Variants in OAF observed in about 807,000 individuals in gnomAD.
OAF encodes out at first homolog.
Under a neutral mutation model 22.5 loss-of-function variants are expected in OAF, and 13 were observed. The observed-to-expected ratio is 0.58, with a 90% confidence interval of 0.38 to 0.92. The LOEUF (loss-of-function observed/expected upper bound fraction) is 0.92. Ranked by LOEUF, OAF falls within the 40% of genes least tolerant of loss-of-function variation. OAF has a pLI of 0.00. For missense variants in OAF, 347 were observed against 381.8 expected (o/e 0.91, Z 0.76); for synonymous variants, 175 against 170.5 (o/e 1.03, Z -0.21).
chr11:120,219,022 G>A (rs1022999891), intron 1 of OAF, among the ~76,000 whole-genome samples: 5 of 151,936 alleles, frequency 3.3e-5, no homozygotes, highest in African/African-American at 1.2e-4. Context: ...ATGAGAAGTG[G>A]CATCGGGAGG....
intron 1 of OAF, among the ~76,000 whole-genome samples, chr11:120,215,142 G>A (rs182471499): frequency 5.6e-4 from 85 of 152,198 alleles, no homozygotes; most frequent in Non-Finnish European, 1.0e-3. Context: ...TCAGCAGTTC[G>A]AGACCAGCCT....
chr11:120,218,228 G>A (rs1482241012), intron 1 of OAF, among the ~76,000 whole-genome samples: 1 of 152,114 alleles, frequency 6.6e-6, no homozygotes, highest in African/African-American at 2.4e-5. Flanking sequence ...AATGCCCCAA[G>A]ACAAGCAGCC....
chr11:120,224,898 A>T (rs1238925236), intron 1 of OAF, among the ~76,000 whole-genome samples: 1 of 152,170 alleles, frequency 6.6e-6, no homozygotes, highest in African/African-American at 2.4e-5. Flanking sequence ...CAGCAGCCGG[A>T]TAGGGAAGGG....
rs1221168543 is a variant in OAF, at chr11:120,226,962, C to T, written c.513C>T (p.Thr171=). The T allele has an allele frequency of 1.2e-6, 2 of 1,603,286 alleles. No individual in the cohort carries two copies. The highest frequency in any genetic ancestry group is 1.7e-6 in the Non-Finnish European group (2 of 1,171,458). ...CCGAGGCCGTGGATGCCATCTACAC[C>T]CGCCAGGAGGATGTCCGGTTCTGGC... ...VCAEAVDAIY[T]RQEDVRFWLE... Residue 171 remains threonine (T), a synonymous_variant, in exon 3 of 4, where the codon ACC becomes ACT. Transcript: ENST00000328965.
At chr11:120,225,139 G>T (rs1004441471) in intron 1 of OAF, among the ~76,000 whole-genome samples, 1 of 152,066 alleles carries the variant, frequency 6.6e-6, no homozygotes, top group African/African-American at 2.4e-5. Context: ...ACCCCGTCCC[G>T]GCCCCACCAC....
intron 1 of OAF, among the ~76,000 whole-genome samples, chr11:120,223,241 A>G (rs931509567): frequency 2.6e-5 from 4 of 152,304 alleles, no homozygotes; most frequent in African/African-American, 9.6e-5. Flanking sequence ...CCAGGAGGCA[A>G]TTATGGATTC....
chr11:120,222,651 C>T lies in OAF; in HGVS notation c.232-3010C>T, dbSNP rs147287058. Among the ~76,000 whole-genome samples the T allele has an allele frequency of 7.4e-4, 113 of 152,142 alleles. No individual in the cohort carries two copies. In the East Asian group the frequency reaches 9.3e-3, roughly 13 times the overall value. ...GGCAGAGGCCGGGTGCAGTGGCTCA[C>T]GCCTGTAATCCCAACACTTTGGGAG... On this transcript the variant is annotated intron_variant, in intron 1 of 3. Transcript: ENST00000328965.
chr11:120,216,250 G>A (rs2135090553), intron 1 of OAF, among the ~76,000 whole-genome samples: 1 of 152,288 alleles, frequency 6.6e-6, no homozygotes, highest in East Asian at 1.9e-4. Context: ...TGTGGAATGT[G>A]CAATGTCCAC....
intron 3 of OAF, among the ~76,000 whole-genome samples, chr11:120,227,411 T>C: frequency 6.6e-6 from 1 of 152,150 alleles, no homozygotes; most frequent in East Asian, 1.9e-4. Flanking sequence ...CAGACTCTGC[T>C]AGGCCCTGTG....
chr11:120,228,344 T>A (rs1938389606), intron 3 of OAF, among the ~76,000 whole-genome samples: 2 of 152,068 alleles, frequency 1.3e-5, no homozygotes, highest in African/African-American at 4.8e-5. Context: ...CTCAGACTCC[T>A]AAAGTGGGAT....
intron 1 of OAF, among the ~76,000 whole-genome samples, chr11:120,224,012 G>T (rs1288741250): frequency 3.9e-5 from 6 of 152,210 alleles, no homozygotes; most frequent in Non-Finnish European, 8.8e-5. Context: ...GCCCAGGCTG[G>T]CAGGACAAGG....
At chr11:120,216,096 G>A (rs1208507723) in intron 1 of OAF, among the ~76,000 whole-genome samples, 13 of 152,184 alleles carry the variant, frequency 8.5e-5, no homozygotes, top group Non-Finnish European at 1.5e-5. Flanking sequence ...GAGGATGGAA[G>A]CTTGAGCCCT....
chr11:120,229,215 C>G lies in OAF; in HGVS notation c.*73C>G. ...CCAGCCACTAGAGGGGGTGGCAACC[C>G]CCACCTGAGGCCTTATTTCCCTCCC... On this transcript the variant is annotated 3_prime_UTR_variant, in exon 4 of 4. Transcript: ENST00000328965. 2 of 1,404,636 alleles carry G rather than the reference C, an allele frequency of 1.4e-6. No individual in the cohort carries two copies. Among genetic ancestry groups the G allele is most frequent in the East Asian group, 2.3e-5 (1 of 43,280 alleles). The allele number at this position is 1,404,636 out of a possible 1,614,324, so 87.0% of individuals were successfully genotyped here.
chr11:120,226,139 G>T (rs773826513), intron 2 of OAF, among the ~76,000 whole-genome samples: 1 of 152,178 alleles, frequency 6.6e-6, no homozygotes, highest in Non-Finnish European at 1.5e-5. Context: ...GCACCTCCCC[G>T]TGTGTGACAG....
intron 2 of OAF, 29 bp downstream of exon 2, chr11:120,225,824 C>T: frequency 6.3e-7 from 1 of 1,582,960 alleles, no homozygotes; most frequent in Non-Finnish European, 8.6e-7. Context: ...CTGCCTGGCC[C>T]AGGTCCTGAC....
At chr11:120,213,474 AT>A (rs1374407438) in intron 1 of OAF, among the ~76,000 whole-genome samples, 4 of 152,158 alleles carry the variant, frequency 2.6e-5, no homozygotes, top group African/African-American at 9.7e-5. Flanking sequence ...GGCATCTCCA[AT>A]TTCATCAGCA....
intron 3 of OAF, among the ~76,000 whole-genome samples, 174 bp downstream of exon 3, chr11:120,227,170 T>G (rs1938371234): frequency 1.3e-5 from 2 of 152,194 alleles, no homozygotes; most frequent in Admixed American, 1.3e-4. Context: ...TACAGAGATG[T>G]ACTGGCGCAG....
At chr11:120,220,324 C>T (rs1938264262) in intron 1 of OAF, among the ~76,000 whole-genome samples, 1 of 152,174 alleles carries the variant, frequency 6.6e-6, no homozygotes, top group Non-Finnish European at 1.5e-5. Flanking sequence ...CCAGCCTCAT[C>T]AGCACTCACG....
At chr11:120,227,657 C>T (rs1938379047) in intron 3 of OAF, among the ~76,000 whole-genome samples, 1 of 152,128 alleles carries the variant, frequency 6.6e-6, no homozygotes, top group African/African-American at 2.4e-5. Context: ...GCGCTGACCC[C>T]TCTCTGGGTA....
Sources: allele counts gnomAD v4.1 joint callset (sites outside exome capture counted in the v4.1 genomes callset), GRCh38; gene constraint gnomAD v4.1.1; transcripts MANE v1.5; gene names NCBI Gene and HGNC (gene_info 2026-07-23, HGNC 2026-07-21).